The following TFEC variants were observed in gnomAD, a reference collection of about 807,000 sequenced individuals.
TFEC encodes transcription factor EC, also known as class E basic helix-loop-helix protein 34.
In TFEC, 31 loss-of-function variants were observed where a neutral mutation model predicts 41.6. That is an observed-to-expected ratio of 0.74 (90% CI 0.56 to 1.01). The LOEUF is 1.01. Among genes scored for constraint, TFEC ranks in the 50% least tolerant of loss-of-function variants. The pLI is 0.00. For missense variants in TFEC, 402 were observed against 404.1 expected (o/e 0.99, Z 0.04); for synonymous variants, 143 against 140.6 (o/e 1.02, Z -0.12).
chr7:116,006,835 G>A (rs1330084644), intron 1 of TFEC, among the ~76,000 whole-genome samples: 2 of 152,090 alleles, frequency 1.3e-5, no homozygotes, highest in African/African-American at 4.8e-5. Flanking sequence ...ATTGAATCAT[G>A]GGGCAGGTCT....
chr7:116,049,307 CA>C (rs1042331035), intron 3 of TFEC, among the ~76,000 whole-genome samples: 3 of 151,098 alleles, frequency 2.0e-5, no homozygotes, highest in South Asian at 2.1e-4. Flanking sequence ...AAATGGAAAA[CA>C]AAAAAAACAG....
intron 3 of TFEC, among the ~76,000 whole-genome samples, chr7:116,070,008 G>T (rs1337111155): frequency 2.0e-5 from 3 of 151,144 alleles, no homozygotes; most frequent in African/African-American, 7.3e-5. Flanking sequence ...TAAATAATTT[G>T]TAGAATATAA....
At chr7:116,037,761 A>G (rs2130912833) in intron 3 of TFEC, among the ~76,000 whole-genome samples, 1 of 152,124 alleles carries the variant, frequency 6.6e-6, no homozygotes, top group East Asian at 1.9e-4. Flanking sequence ...CAAGATTTTT[A>G]CTATTTCATT....
intron 1 of TFEC, among the ~76,000 whole-genome samples, chr7:116,149,933 C>A (rs192732489): frequency 5.9e-5 from 9 of 152,206 alleles, no homozygotes; most frequent in Non-Finnish European, 1.0e-4. Context: ...TGACTCTAGG[C>A]AATGGGGCAT....
intron 1 of TFEC, among the ~76,000 whole-genome samples, chr7:116,138,846 T>C (rs779957412): frequency 2.0e-5 from 3 of 152,064 alleles, no homozygotes; most frequent in Non-Finnish European, 4.4e-5. Context: ...AGAAAAAAAG[T>C]AAAGGCTTGA....
intron 3 of TFEC, among the ~76,000 whole-genome samples, chr7:116,090,979 A>C: frequency 6.7e-6 from 1 of 148,650 alleles, no homozygotes; most frequent in East Asian, 2.1e-4. Context: ...GTGGGGGGCA[A>C]GGGGAGGGAT....
At chr7:116,111,919 TA>T in intron 2 of TFEC, 2 of 724,316 alleles carry the variant, frequency 2.8e-6, no homozygotes, top group Non-Finnish European at 3.4e-6. Flanking sequence ...TGGTAAATGA[TA>T]GTACTTGATT....
chr7:116,074,401 C>A (rs913403228), intron 3 of TFEC, among the ~76,000 whole-genome samples: 1 of 151,850 alleles, frequency 6.6e-6, no homozygotes, highest in Non-Finnish European at 1.5e-5. Context: ...AGAACTCTTA[C>A]AACTTATTTA....
chr7:116,135,457 C>G (rs1004336153), intron 1 of TFEC, among the ~76,000 whole-genome samples: 1 of 152,094 alleles, frequency 6.6e-6, no homozygotes, highest in African/African-American at 2.4e-5. Flanking sequence ...AGCAATGTCA[C>G]ACTCTGATGA....
chr7:116,148,262 G>A (rs1798684391), intron 1 of TFEC, among the ~76,000 whole-genome samples: 1 of 152,200 alleles, frequency 6.6e-6, no homozygotes, highest in East Asian at 1.9e-4. Flanking sequence ...GATAGTAAAT[G>A]AAAGAGGAGC....
chr7:116,035,275 C>T (rs562023514), upstream of TFEC, among the ~76,000 whole-genome samples: 1 of 151,934 alleles, frequency 6.6e-6, no homozygotes, highest in East Asian at 1.9e-4. Flanking sequence ...CAAGCTTTAC[C>T]ATAATACATT....
intron 3 of TFEC, among the ~76,000 whole-genome samples, chr7:116,093,235 T>C (rs1432715817): frequency 2.0e-5 from 3 of 152,052 alleles, no homozygotes; most frequent in Non-Finnish European, 4.4e-5. Flanking sequence ...ATGTGGTCCA[T>C]AGAATATATA....
At position 115,936,188 on chromosome 7, in the gene TFEC, A is replaced by G. The variant is rs1793219591; in HGVS notation, c.*4363T>C. 1 of 151,666 alleles carries G rather than the reference A, an allele frequency of 6.6e-6. No individual in the cohort carries two copies. The highest frequency in any genetic ancestry group is 2.4e-5 in the African/African-American group (1 of 41,418). 9.4% of individuals were successfully genotyped at this position (151,666 alleles called of 1,614,324 possible). On this transcript the variant is annotated 3_prime_UTR_variant, in exon 8 of 8. Transcript: ENST00000265440. Reference sequence around the variant, plus strand: ...ACAATGATTACAGGAGGCTCATGTAACATAGGAGATCAGTAACACTCGAAA... The same window carrying G: ...ACAATGATTACAGGAGGCTCATGTAGCATAGGAGATCAGTAACACTCGAAA...
intron 3 of TFEC, among the ~76,000 whole-genome samples, chr7:116,104,565 G>C (rs1450516597): frequency 6.6e-6 from 1 of 152,022 alleles, no homozygotes; most frequent in South Asian, 2.1e-4. Context: ...GGAACTCTGG[G>C]GGAAAATGTT....
chr7:116,002,147 C>T (rs1015981817), intron 1 of TFEC, among the ~76,000 whole-genome samples: 6 of 152,160 alleles, frequency 3.9e-5, no homozygotes, highest in Non-Finnish European at 8.8e-5. Flanking sequence ...AATAGAGTCA[C>T]CATATGATCC....
At chr7:116,143,864 T>G (rs1170799050) in intron 1 of TFEC, among the ~76,000 whole-genome samples, 2 of 152,082 alleles carry the variant, frequency 1.3e-5, no homozygotes, top group Non-Finnish European at 2.9e-5. Flanking sequence ...TCCCAGACAT[T>G]CTTCATTTTC....
At chr7:116,151,628 T>C (rs1392882978) in intron 1 of TFEC, among the ~76,000 whole-genome samples, 1 of 152,124 alleles carries the variant, frequency 6.6e-6, no homozygotes, top group African/African-American at 2.4e-5. Flanking sequence ...TTGGTTTTTT[T>C]CCAAAATGAG....
chr7:116,068,303 T>G (rs1430468226), intron 3 of TFEC, among the ~76,000 whole-genome samples: 3 of 151,806 alleles, frequency 2.0e-5, no homozygotes, highest in Non-Finnish European at 4.4e-5. Context: ...ACTACATCAA[T>G]GTTACTAAGC....
At chr7:115,945,891 T>G (rs1791512228) in intron 6 of TFEC, among the ~76,000 whole-genome samples, 4 of 151,740 alleles carry the variant, frequency 2.6e-5, no homozygotes, top group African/African-American at 9.7e-5. Flanking sequence ...TGTCTGTGTC[T>G]GCTTTCATGC....
Sources: allele counts gnomAD v4.1 joint callset (sites outside exome capture counted in the v4.1 genomes callset), GRCh38; gene constraint gnomAD v4.1.1; transcripts MANE v1.5; gene names NCBI Gene and HGNC (gene_info 2026-07-23, HGNC 2026-07-21).